Variants in LRMDA observed in about 807,000 individuals in gnomAD.
LRMDA encodes leucine rich melanocyte differentiation associated.
In LRMDA, 18 loss-of-function variants were observed where a neutral mutation model predicts 29.8. The ratio of observed to expected loss-of-function variants is 0.60; its 90% CI spans 0.42 to 0.90. The LOEUF is 0.90. Among genes scored for constraint, LRMDA ranks in the 40% least tolerant of loss-of-function variants. The pLI, the probability that LRMDA is intolerant of heterozygous loss-of-function variation, is 0.00. For synonymous variants in LRMDA, 125 were observed against 109.4 expected (o/e 1.14, Z -0.89); for missense variants, 273 against 273.9 (o/e 1.00, Z 0.02).
At chr10:75,480,656 A>G (rs1413952289) in intron 2 of LRMDA, among the ~76,000 whole-genome samples, 2 of 152,232 alleles carry the variant, frequency 1.3e-5, no homozygotes, top group Admixed American at 6.5e-5. Flanking sequence ...TTCATAGGCT[A>G]AGGGCTTGCC....
intron 5 of LRMDA, among the ~76,000 whole-genome samples, chr10:76,198,258 G>A (rs531012167): frequency 2.0e-5 from 3 of 152,328 alleles, no homozygotes; most frequent in Admixed American, 2.0e-4. Flanking sequence ...TGGAGATTTT[G>A]TTAAAATCAC....
At chr10:76,536,681 G>A (rs1036235351) in intron 6 of LRMDA, among the ~76,000 whole-genome samples, 3 of 152,070 alleles carry the variant, frequency 2.0e-5, no homozygotes, top group Admixed American at 6.5e-5. Context: ...CATATTTACT[G>A]CATCATGTTA....
At chr10:76,551,499 C>T (rs1242916926) in intron 6 of LRMDA, among the ~76,000 whole-genome samples, 1 of 152,186 alleles carries the variant, frequency 6.6e-6, no homozygotes, top group Non-Finnish European at 1.5e-5. Flanking sequence ...TACGAAGGTT[C>T]AACCTATAAT....
intron 2 of LRMDA, among the ~76,000 whole-genome samples, chr10:75,512,307 T>G (rs1370995142): frequency 6.6e-6 from 1 of 152,158 alleles, no homozygotes; most frequent in Non-Finnish European, 1.5e-5. Flanking sequence ...GGGAAATTCC[T>G]GTATATTCAC....
intron 2 of LRMDA, among the ~76,000 whole-genome samples, chr10:75,811,373 G>A (rs576202214): frequency 9.9e-5 from 15 of 152,182 alleles, no homozygotes; most frequent in Admixed American, 9.2e-4. Flanking sequence ...GATAAGTTAG[G>A]CTCCTCCTCT....
intron 2 of LRMDA, among the ~76,000 whole-genome samples, chr10:75,693,425 C>T (rs747574017): frequency 8.5e-5 from 13 of 152,178 alleles, no homozygotes; most frequent in African/African-American, 1.2e-4. Context: ...CTTAACCAAT[C>T]GCTTTCTCCT....
intron 2 of LRMDA, among the ~76,000 whole-genome samples, chr10:75,838,328 C>G (rs944162512): frequency 6.6e-6 from 1 of 152,122 alleles, no homozygotes; most frequent in African/African-American, 2.4e-5. Context: ...TGTGTATCGT[C>G]TTATGAAATA....
chr10:76,065,256 T>A (rs977688957), intron 5 of LRMDA, among the ~76,000 whole-genome samples: 1 of 152,246 alleles, frequency 6.6e-6, no homozygotes, highest in African/African-American at 2.4e-5. Flanking sequence ...AGGCGGCCTC[T>A]GTAGCCTTGC....
chr10:76,450,259 G>A (rs1168228140), intron 6 of LRMDA, among the ~76,000 whole-genome samples: 3 of 151,982 alleles, frequency 2.0e-5, no homozygotes, highest in Admixed American at 6.5e-5. Flanking sequence ...TGGACAAATC[G>A]TTTCATTGTC....
chr10:75,788,646 G>T (rs1843514989), intron 2 of LRMDA, among the ~76,000 whole-genome samples: 1 of 152,204 alleles, frequency 6.6e-6, no homozygotes, highest in Non-Finnish European at 1.5e-5. Context: ...TTACACAAGA[G>T]AAAATGGTGT....
intron 2 of LRMDA, among the ~76,000 whole-genome samples, chr10:75,561,864 G>C (rs1564801149): frequency 6.6e-6 from 1 of 152,044 alleles, no homozygotes; most frequent in Non-Finnish European, 1.5e-5. Flanking sequence ...TTAATCCTGA[G>C]TTCTAGTTTG....
At chr10:75,670,912 G>C (rs1444743445) in intron 2 of LRMDA, among the ~76,000 whole-genome samples, 5 of 151,958 alleles carry the variant, frequency 3.3e-5, no homozygotes, top group African/African-American at 7.3e-5. Flanking sequence ...CTTCCCTTCT[G>C]ACCAGCAAGT....
chr10:76,085,894 CA>C (rs1415581546), intron 5 of LRMDA, among the ~76,000 whole-genome samples: 2 of 152,192 alleles, frequency 1.3e-5, no homozygotes, highest in South Asian at 2.1e-4. Context: ...CCTCTATAGA[CA>C]GAGGAATATT....
chr10:75,487,793 G>A (rs1844933184), intron 2 of LRMDA, among the ~76,000 whole-genome samples: 1 of 152,214 alleles, frequency 6.6e-6, no homozygotes, highest in African/African-American at 2.4e-5. Context: ...GGTCGGCCAA[G>A]CTCTTGGAAG....
At chr10:75,679,292 G>A (rs768519506) in intron 2 of LRMDA, among the ~76,000 whole-genome samples, 3 of 152,084 alleles carry the variant, frequency 2.0e-5, no homozygotes, top group South Asian at 2.1e-4. Context: ...AGGCATTGTG[G>A]TAAGCACTTT....
chr10:75,925,608 G>GGCAGTGGTGGTGGTA lies in LRMDA; in HGVS notation c.132-110400_132-110399insGCAGTGGTGGTGGTA, dbSNP rs1554834639. Among the ~76,000 whole-genome samples, 305 of 149,110 alleles carry GGCAGTGGTGGTGGTA rather than the reference G, an allele frequency of 2.0e-3. 3 individuals carry two copies. The highest frequency in any genetic ancestry group is 6.7e-3 in the African/African-American group (271 of 40,482). ...TTATGTCATTGTGGAGGAAGAAGGT[G>GGCAGTGGTGGTGGTA]ATGGTGGCAGTGGTGGTGGTAATGG... is the stretch of plus-strand genomic sequence containing the variant. On this transcript the variant is annotated intron_variant, in intron 2 of 6. Coordinates refer to ENST00000611255, the MANE Select transcript of LRMDA (RefSeq NM_001305581.2).
At chr10:75,555,837 C>T (rs1840206624) in intron 2 of LRMDA, among the ~76,000 whole-genome samples, 2 of 152,186 alleles carry the variant, frequency 1.3e-5, no homozygotes, top group African/African-American at 4.8e-5. Flanking sequence ...AAGGGAAATA[C>T]ATTTGCTCAT....
intron 5 of LRMDA, among the ~76,000 whole-genome samples, chr10:76,282,295 G>A (rs1481780232): frequency 1.3e-5 from 2 of 152,152 alleles, no homozygotes; most frequent in African/African-American, 2.4e-5. Context: ...TTAATTGGCC[G>A]TTTCTGTTGA....
At chr10:76,370,757 A>G (rs1312298802) in intron 6 of LRMDA, among the ~76,000 whole-genome samples, 5 of 152,184 alleles carry the variant, frequency 3.3e-5, no homozygotes, top group Non-Finnish European at 7.3e-5. Flanking sequence ...CATAGTATAC[A>G]TACTATATAT....
Sources: allele counts gnomAD v4.1 joint callset (sites outside exome capture counted in the v4.1 genomes callset), GRCh38; gene constraint gnomAD v4.1.1; transcripts MANE v1.5; gene names NCBI Gene and HGNC (gene_info 2026-07-23, HGNC 2026-07-21).